RAD54B: variants seen among roughly 807,000 people sequenced by gnomAD.
RAD54B encodes DNA repair and recombination protein RAD54B.
Under a neutral mutation model 95.8 loss-of-function variants are expected in RAD54B, and 78 were observed. That is an observed-to-expected ratio of 0.81 (90% CI 0.68 to 0.98). RAD54B has a LOEUF of 0.98. Among genes scored for constraint, RAD54B ranks in the 50% least tolerant of loss-of-function variants. RAD54B has a pLI of 0.00. For synonymous variants in RAD54B, 328 were observed against 354.9 expected, an observed-to-expected ratio of 0.92 and a Z score of 0.85; for missense variants, 957 against 1,056.6, an observed-to-expected ratio of 0.91 and a Z score of 1.31.
intron 3 of RAD54B, among the ~76,000 whole-genome samples, chr8:94,420,216 C>T (rs1325140458): frequency 1.3e-5 from 2 of 150,372 alleles, no homozygotes; most frequent in African/African-American, 2.4e-5. Context: ...ATCAATATAT[C>T]GACATGCTGT....
At chr8:94,405,782 C>T (rs1356262599) in intron 5 of RAD54B, among the ~76,000 whole-genome samples, 2 of 152,064 alleles carry the variant, frequency 1.3e-5, no homozygotes, top group Non-Finnish European at 2.9e-5. Context: ...TTATAAATCA[C>T]CTAATAAAAG....
At chr8:94,439,887 T>TTATTAGC in intron 3 of RAD54B, among the ~76,000 whole-genome samples, 1 of 152,254 alleles carries the variant, frequency 6.6e-6, no homozygotes, top group South Asian at 2.1e-4. Context: ...TTGTTTATTA[T>TTATTAGC]CAGACCTAAA....
At chr8:94,410,512 A>T (rs1811503466) in intron 4 of RAD54B, among the ~76,000 whole-genome samples, 1 of 152,204 alleles carries the variant, frequency 6.6e-6, no homozygotes, top group Non-Finnish European at 1.5e-5. Context: ...TTTTATAGTT[A>T]TAGGTCACAC....
At chr8:94,425,701 T>G (rs1811925258) in intron 3 of RAD54B, among the ~76,000 whole-genome samples, 1 of 152,148 alleles carries the variant, frequency 6.6e-6, no homozygotes, top group African/African-American at 2.4e-5. Context: ...TAGAAGATAT[T>G]TCTTTGCATT....
intron 14 of RAD54B, among the ~76,000 whole-genome samples, chr8:94,375,142 TAC>T (rs1477007219): frequency 1.2e-4 from 19 of 152,318 alleles, no homozygotes; most frequent in African/African-American, 4.3e-4. Flanking sequence ...ATTACAAATG[TAC>T]ACATTCTCTG....
chr8:94,453,065 T>C (rs1335760224), intron 3 of RAD54B, among the ~76,000 whole-genome samples: 3 of 152,166 alleles, frequency 2.0e-5, no homozygotes, highest in African/African-American at 7.2e-5. Context: ...GTGATGAGTA[T>C]CCTACTCCAA....
Position 94,380,279 on chromosome 8 carries a change from C to G in RAD54B, c.2113G>C (p.Gly705Arg). The part of the protein sequence containing the change: ...PISQRQQIVD[G>R]FNSQHSSFFI... ...AAAGAAGAGTGTTGACTGTTAAAGCCATCAACAATCTGCTGCCTTTGAGAG... is the reference window on the plus strand; with the variant it reads ...AAAGAAGAGTGTTGACTGTTAAAGCGATCAACAATCTGCTGCCTTTGAGAG... Residue 705 changes from glycine (G) to arginine (R), a missense_variant, in exon 12 of 15, where the codon GGC (glycine) becomes CGC (arginine). By Grantham distance (125) the Gly-to-Arg change is moderately radical (BLOSUM62 -2). Transcript: ENST00000336148. The G allele has an allele frequency of 1.2e-6, 2 of 1,614,020 alleles. No homozygotes were observed. The highest frequency in any genetic ancestry group is 1.7e-6 in the Non-Finnish European group (2 of 1,179,976).
At chr8:94,435,902 C>A (rs561137007) in intron 3 of RAD54B, among the ~76,000 whole-genome samples, 1 of 152,070 alleles carries the variant, frequency 6.6e-6, no homozygotes, top group Non-Finnish European at 1.5e-5. Flanking sequence ...TAGGCATTAA[C>A]TCCCTTTAGT....
chr8:94,453,692 C>T (rs563158393), intron 3 of RAD54B, among the ~76,000 whole-genome samples: 3 of 152,158 alleles, frequency 2.0e-5, no homozygotes, highest in African/African-American at 7.2e-5. Context: ...TTCTAGAATA[C>T]TTCAAAAAAG....
intron 1 of RAD54B, among the ~76,000 whole-genome samples, chr8:94,470,713 G>A (rs770780313): frequency 9.2e-5 from 14 of 151,642 alleles, no homozygotes; most frequent in African/African-American, 3.4e-4. Flanking sequence ...AGCTGAGATC[G>A]CACCACTGCA....
chr8:94,412,200 G>T (rs1157600839), intron 3 of RAD54B, among the ~76,000 whole-genome samples: 2 of 152,154 alleles, frequency 1.3e-5, no homozygotes, highest in Non-Finnish European at 2.9e-5. Flanking sequence ...CAAGTGACAG[G>T]ATTGCCTTCT....
chr8:94,430,987 T>C, intron 3 of RAD54B: 1 of 985,366 alleles, frequency 1.0e-6, no homozygotes, highest in Non-Finnish European at 1.2e-6. Context: ...CGTCTCACTC[T>C]TGACTTCAAA....
Position 94,391,796 on chromosome 8 carries a change from G to A in RAD54B, c.1622C>T (p.Pro541Leu). The change falls in exon 10 of 15, where the codon CCT (proline) becomes CTT (leucine). Residue 541 changes from proline (P) to leucine (L), a missense_variant. By Grantham distance (98) the Pro-to-Leu change is moderately conservative (BLOSUM62 -3). Transcript: ENST00000336148. ...GCAAAAGACAACATTCTCTATTTTAGGTGGGAGATATTTATTTATAATTTC... is the reference window on the plus strand; with the variant it reads ...GCAAAAGACAACATTCTCTATTTTAAGTGGGAGATATTTATTTATAATTTC... ...TQEIINKYLP[P>L]KIENVVFCRP... 1.9e-6 allele frequency: 3 copies of A among 1,614,014 alleles called. No homozygotes were observed. The highest frequency in any genetic ancestry group is 2.2e-5 in the East Asian group (1 of 44,868).
At chr8:94,459,807 C>A (rs1812861462) in intron 2 of RAD54B, among the ~76,000 whole-genome samples, 1 of 151,090 alleles carries the variant, frequency 6.6e-6, no homozygotes, top group African/African-American at 2.4e-5. Context: ...TTGCAGTGAG[C>A]CAAGAATGCA....
rs750778733 is a variant in RAD54B, at chr8:94,471,269, G to A, written c.-16-3714C>T. 3.2e-3 allele frequency among the ~76,000 whole-genome samples: 157 copies of A among 49,280 alleles called. 2 individuals carry two copies. The highest frequency in any genetic ancestry group is 1.7e-3 in the Non-Finnish European group (45 of 25,892). The allele number at this position is 49,280 out of a possible 152,430, so 32.3% of individuals were successfully genotyped here. A position where few individuals can be genotyped will look rare whatever the true frequency, so the allele number is the denominator to read the frequency against. On this transcript the variant is annotated intron_variant, in intron 1 of 14. Transcript: ENST00000336148. ...GTGAATGATACCATTAATGGGTGGCGGGGGGGGGCAGTACTTTAAAAAAAT... is the reference window on the plus strand; with the variant it reads ...GTGAATGATACCATTAATGGGTGGCAGGGGGGGGCAGTACTTTAAAAAAAT...
intron 3 of RAD54B, among the ~76,000 whole-genome samples, chr8:94,438,310 A>G (rs1197096524): frequency 6.6e-6 from 1 of 152,228 alleles, no homozygotes; most frequent in African/African-American, 2.4e-5. Flanking sequence ...TGGATGTTCT[A>G]CGGAATGCTA....
At chr8:94,389,819 C>T (rs1196125719) in intron 10 of RAD54B, among the ~76,000 whole-genome samples, 1 of 151,928 alleles carries the variant, frequency 6.6e-6, no homozygotes, top group Non-Finnish European at 1.5e-5. Context: ...AATTATGTAC[C>T]CTATTTGAAG....
rs1563639433 is a variant in RAD54B at position 94,391,856 on chromosome 8, C to T, written c.1562G>A (p.Cys521Tyr). Residue 521 changes from cysteine to tyrosine, a missense_variant, in exon 10 of 15, where the codon TGC (cysteine) becomes TAC (tyrosine). Cys to Tyr is a radical substitution (Grantham distance 194). Transcript: ENST00000336148. The part of the protein sequence containing the change: ...LGERRAAELT[C>Y]LTGLFILRRT... ...TCTAAGGATAAAGAGTCCAGTGAGG[C>T]AAGTAAGTTCAGCTGCTCTTCTTTC... 6 of 1,612,864 alleles carry T rather than the reference C, an allele frequency of 3.7e-6. No homozygotes were observed. Among genetic ancestry groups the T allele is most frequent in the Non-Finnish European group, 5.1e-6 (6 of 1,179,718 alleles).
At chr8:94,466,421 TG>T (rs1206747469) in intron 2 of RAD54B, among the ~76,000 whole-genome samples, 7 of 150,518 alleles carry the variant, frequency 4.7e-5, no homozygotes, top group African/African-American at 7.3e-5. Flanking sequence ...TTTTTTTTTT[TG>T]GGGGGGACGG....
Sources: gnomAD v4.1 joint callset for allele counts (sites outside exome capture counted in the v4.1 genomes callset) on GRCh38, gnomAD v4.1.1 for gene constraint, MANE v1.5 for transcripts, NCBI Gene and HGNC (gene_info 2026-07-23, HGNC 2026-07-21) for gene names.